ST18: variants seen among roughly 807,000 people sequenced by gnomAD.
ST18 encodes the protein ST18 C2H2C-type zinc finger transcription factor.
A neutral mutation model predicts 110.0 loss-of-function variants in ST18; 50 were observed. That is an observed-to-expected ratio of 0.45 (90% CI 0.36 to 0.58). ST18 has a LOEUF of 0.58. ST18 is among the 20% of genes least tolerant of loss of function. ST18 has a pLI of 0.00. For missense variants in ST18, 1,306 were observed against 1,280.1 expected, an observed-to-expected ratio of 1.02 and a Z score of -0.31; for synonymous variants, 461 against 452.4, an observed-to-expected ratio of 1.02 and a Z score of -0.24.
At chr8:52,218,142 A>G (rs979495088) in intron 5 of ST18, among the ~76,000 whole-genome samples, 21 of 152,246 alleles carry the variant, frequency 1.4e-4, no homozygotes, top group Admixed American at 1.0e-3. Context: ...AACATAAGAA[A>G]TCCCTTGGCT....
intron 15 of ST18, among the ~76,000 whole-genome samples, chr8:52,153,635 T>A (rs1337594774): frequency 6.6e-6 from 1 of 152,180 alleles, no homozygotes; most frequent in Non-Finnish European, 1.5e-5. Context: ...AGGTATAAAA[T>A]TTAAGTGAAA....
At chr8:52,277,051 G>A (rs1485659872) in intron 2 of ST18, among the ~76,000 whole-genome samples, 1 of 152,206 alleles carries the variant, frequency 6.6e-6, no homozygotes, top group Non-Finnish European at 1.5e-5. Flanking sequence ...ATAGGCATGA[G>A]CCACAGTGCC....
intron 2 of ST18, among the ~76,000 whole-genome samples, chr8:52,256,688 T>A (rs1218315213): frequency 1.3e-5 from 2 of 152,220 alleles, no homozygotes; most frequent in Admixed American, 6.5e-5. Flanking sequence ...GATTTCTAGC[T>A]GACAGTTCAG....
At chr8:52,295,439 A>G (rs1204765314) in intron 2 of ST18, among the ~76,000 whole-genome samples, 6 of 152,110 alleles carry the variant, frequency 3.9e-5, no homozygotes, top group Admixed American at 3.9e-4. Context: ...ACTACTCCAG[A>G]GCAGAGAAAA....
intron 8 of ST18, among the ~76,000 whole-genome samples, chr8:52,183,548 G>A: frequency 6.6e-6 from 1 of 152,178 alleles, no homozygotes; most frequent in Admixed American, 6.5e-5. Flanking sequence ...AATACTAGCT[G>A]TGTAATCTGC....
At chr8:52,127,268 A>G (rs2047456846) in intron 22 of ST18, among the ~76,000 whole-genome samples, 1 of 152,236 alleles carries the variant, frequency 6.6e-6, no homozygotes. Context: ...TATTACATAT[A>G]TAGAAAAGGC....
chr8:52,278,571 C>G (rs2095317194), intron 2 of ST18, among the ~76,000 whole-genome samples: 1 of 152,098 alleles, frequency 6.6e-6, no homozygotes, highest in African/African-American at 2.4e-5. Flanking sequence ...ACCCCCAACC[C>G]CTGCTCCTTG....
chr8:52,402,641 T>C (rs1843143403), intron 2 of ST18, among the ~76,000 whole-genome samples: 1 of 152,130 alleles, frequency 6.6e-6, no homozygotes, highest in Non-Finnish European at 1.5e-5. Flanking sequence ...GTGATGACTA[T>C]GGTCCCAGAG....
intron 17 of ST18, 41 bp downstream of exon 17, chr8:52,142,889 A>T (rs374586748): frequency 1.1e-4 from 149 of 1,393,398 alleles, no homozygotes; most frequent in Non-Finnish European, 1.4e-4. Context: ...TTGAATCTTC[A>T]TTCCAGAATC....
chr8:52,358,444 C>T (rs527287646), intron 2 of ST18, among the ~76,000 whole-genome samples: 1 of 151,942 alleles, frequency 6.6e-6, no homozygotes, highest in South Asian at 2.1e-4. Flanking sequence ...AATTGATAAA[C>T]TTTTAGCTAG....
chr8:52,137,320 A>G, intron 18 of ST18, 101 bp downstream of exon 18: 1 of 1,260,496 alleles, frequency 7.9e-7, no homozygotes, highest in Non-Finnish European at 1.1e-6. Flanking sequence ...CAACCAACTC[A>G]TTTCCTGCTT....
At position 52,159,428 on chromosome 8, in the gene ST18, A is replaced by T. The variant is rs140270852; in HGVS notation, c.1595-319T>A. On this transcript the variant is annotated intron_variant, in intron 14 of 25. Transcript: ENST00000689386. ...AACATTTGTGGCAAAAATTGTAGAT[A>T]AAAAAACACACTAGCAAAACCTCCC... Among the ~76,000 whole-genome samples, 508 of 152,268 alleles carry T rather than the reference A, an allele frequency of 3.3e-3. 1 individual carries two copies. The highest frequency in any genetic ancestry group is 0.012 in the African/African-American group (485 of 41,562).
chr8:52,291,433 C>T (rs1474222175), intron 2 of ST18, among the ~76,000 whole-genome samples: 1 of 152,182 alleles, frequency 6.6e-6, no homozygotes, highest in Non-Finnish European at 1.5e-5. Context: ...TTTAGTTTAA[C>T]CACTTATCAA....
At chr8:52,343,093 T>C (rs1035939889) in intron 2 of ST18, among the ~76,000 whole-genome samples, 1 of 152,084 alleles carries the variant, frequency 6.6e-6, no homozygotes, top group African/African-American at 2.4e-5. Flanking sequence ...GCAGCGTTTG[T>C]CAGCAGGATG....
intron 2 of ST18, among the ~76,000 whole-genome samples, chr8:52,329,733 C>G (rs944075001): frequency 2.0e-5 from 3 of 152,070 alleles, no homozygotes; most frequent in Non-Finnish European, 4.4e-5. Flanking sequence ...TGCACTCCAG[C>G]CTGGGCCACA....
intron 2 of ST18, among the ~76,000 whole-genome samples, chr8:52,321,829 G>A (rs1476309228): frequency 1.3e-5 from 2 of 152,198 alleles, no homozygotes; most frequent in East Asian, 1.9e-4. Flanking sequence ...TCCTCATCCT[G>A]ATGCCTTGCC....
chr8:52,140,582 TAGA>T (rs1397795888), intron 17 of ST18, among the ~76,000 whole-genome samples: 1 of 151,470 alleles, frequency 6.6e-6, no homozygotes, highest in East Asian at 1.9e-4. Context: ...GATAGATAGA[TAGA>T]TAGATAGATA....
chr8:52,164,445 T>G (rs2062315518), intron 12 of ST18, among the ~76,000 whole-genome samples: 1 of 152,256 alleles, frequency 6.6e-6, no homozygotes, highest in Non-Finnish European at 1.5e-5. Flanking sequence ...TTGACTTATC[T>G]TAGCATCTTT....
chr8:52,311,232 A>C (rs1010115714), intron 2 of ST18, among the ~76,000 whole-genome samples: 3 of 152,210 alleles, frequency 2.0e-5, no homozygotes, highest in African/African-American at 7.2e-5. Context: ...CTCAGCAGTG[A>C]GGACCAGGCT....
Sources: gnomAD v4.1 joint callset for allele counts (sites outside exome capture counted in the v4.1 genomes callset) on GRCh38, gnomAD v4.1.1 for gene constraint, MANE v1.5 for transcripts, NCBI Gene and HGNC (gene_info 2026-07-23, HGNC 2026-07-21) for gene names.